Variants in DAB1 observed in about 807,000 individuals in gnomAD.
DAB1 encodes disabled homolog 1.
DAB1 carries 15 observed loss-of-function variants against 64.6 expected under a neutral mutation model. That is an observed-to-expected ratio of 0.23 (90% CI 0.16 to 0.36). The LOEUF is 0.36. Among genes scored for constraint, DAB1 ranks in the 10% least tolerant of loss-of-function variants. DAB1 has a pLI of 1.00. For synonymous variants in DAB1, 235 were observed against 251.9 expected (o/e 0.93, Z 0.64); for missense variants, 596 against 706.7 (o/e 0.84, Z 1.78).
At chr1:57,135,158 A>G (rs958878884) in intron 4 of DAB1, among the ~76,000 whole-genome samples, 13 of 152,216 alleles carry the variant, frequency 8.5e-5, no homozygotes, top group African/African-American at 3.1e-4. Flanking sequence ...CAGTGGCATT[A>G]CATACATTCA....
At chr1:58,210,457 C>A (rs891095026) in intron 4 of DAB1, among the ~76,000 whole-genome samples, 54 of 152,302 alleles carry the variant, frequency 3.5e-4, no homozygotes, top group Middle Eastern at 3.4e-3. Context: ...ATTCTCCCCA[C>A]CTACCCCCAA....
chr1:57,255,776 A>G (rs758432203), intron 2 of DAB1, among the ~76,000 whole-genome samples: 5 of 152,220 alleles, frequency 3.3e-5, no homozygotes, highest in Non-Finnish European at 7.3e-5. Context: ...CTCTTACAGT[A>G]TTTCTGATAA....
intron 4 of DAB1, among the ~76,000 whole-genome samples, chr1:57,093,670 A>T (rs1653891473): frequency 1.3e-5 from 2 of 152,186 alleles, no homozygotes; most frequent in Non-Finnish European, 2.9e-5. Context: ...TAACCATATG[A>T]CTGTGGGCAC....
At chr1:57,559,782 G>C (rs562314157) in intron 7 of DAB1, among the ~76,000 whole-genome samples, 1 of 152,268 alleles carries the variant, frequency 6.6e-6, no homozygotes, top group Non-Finnish European at 1.5e-5. Flanking sequence ...CATTATGATG[G>C]GAAAAGCCAA....
At chr1:58,074,762 G>A (rs1329689523) in intron 5 of DAB1, among the ~76,000 whole-genome samples, 9 of 151,710 alleles carry the variant, frequency 5.9e-5, no homozygotes, top group East Asian at 5.8e-4. Context: ...TTCCCCAGGC[G>A]AAAATAAGAA....
rs397863684 is a variant in DAB1 at position 57,000,040 on chromosome 1, C to CTTTTT, written c.*16-1917_*16-1913dup. On this transcript the variant is annotated intron_variant, in intron 14 of 14. Coordinates refer to ENST00000371236, the MANE Select transcript of DAB1 (RefSeq NM_001365792.1). ...GTTACCACTTGCCAGTTCCTTCTGC[C>CTTTTT]TTTTTTTTTTTTTTTTTTTTTGAGA... Among the ~76,000 whole-genome samples the CTTTTT allele has an allele frequency of 3.6e-5, 4 of 112,444 alleles. 1 individual carries two copies. Among genetic ancestry groups the CTTTTT allele is most frequent in the African/African-American group, 3.3e-5 (1 of 30,146 alleles). 73.8% of individuals were successfully genotyped at this position (112,444 alleles called of 152,430 possible).
chr1:57,551,777 A>T (rs1276953243), intron 7 of DAB1, among the ~76,000 whole-genome samples: 1 of 152,168 alleles, frequency 6.6e-6, no homozygotes, highest in Non-Finnish European at 1.5e-5. Flanking sequence ...GGGAAGAAAC[A>T]CCATTTTCTT....
Position 58,065,576 on chromosome 1 carries a change from C to T in DAB1, n.387+84935G>A, listed in dbSNP as rs192396784. Among the ~76,000 whole-genome samples, 52 of 152,192 alleles carry T rather than the reference C, an allele frequency of 3.4e-4. 1 individual carries two copies. The highest frequency in any genetic ancestry group is 7.1e-4 in the Non-Finnish European group (48 of 68,002). On this transcript the variant is annotated intron_variant and non_coding_transcript_variant, in intron 5 of 20. Transcript: ENST00000485760. ...TGAAAAGAAAATGTACTTCATGAGT[C>T]GATACAAAGGGTGAGAATGGAACAA...
chr1:57,848,705 A>G (rs1224010302), intron 1 of DAB1, among the ~76,000 whole-genome samples: 1 of 152,182 alleles, frequency 6.6e-6, no homozygotes, highest in East Asian at 1.9e-4. Context: ...AAAATAACCT[A>G]AGGTTGAAGA....
intron 2 of DAB1, among the ~76,000 whole-genome samples, chr1:57,169,705 A>ACCAT (rs1195346691): frequency 6.6e-6 from 1 of 152,028 alleles, no homozygotes; most frequent in East Asian, 1.9e-4. Context: ...CTTATCCTCC[A>ACCAT]CCATCCCCAG....
intron 5 of DAB1, among the ~76,000 whole-genome samples, chr1:58,066,201 T>C (rs143469952): frequency 1.2e-3 from 178 of 152,208 alleles, no homozygotes; most frequent in Non-Finnish European, 2.2e-3. Flanking sequence ...AAAAGGCAGA[T>C]CCTCAAAACA....
chr1:57,172,799 C>T (rs1184463585), intron 2 of DAB1, among the ~76,000 whole-genome samples: 1 of 152,142 alleles, frequency 6.6e-6, no homozygotes. Context: ...ACCCAAACAT[C>T]TCCCATTAGG....
intron 2 of DAB1, among the ~76,000 whole-genome samples, chr1:57,233,233 A>T (rs2764661): frequency 1.4e-5 from 2 of 142,724 alleles, no homozygotes; most frequent in Middle Eastern, 3.7e-3. Flanking sequence ...TCAGCAATGC[A>T]GCTTCAAGCT....
At chr1:57,458,609 C>A (rs1169915230) in intron 7 of DAB1, among the ~76,000 whole-genome samples, 1 of 151,972 alleles carries the variant, frequency 6.6e-6, no homozygotes, top group Non-Finnish European at 1.5e-5. Flanking sequence ...CTATCATAAG[C>A]AAATAATCCA....
At chr1:57,516,637 C>T (rs1296181372) in intron 7 of DAB1, among the ~76,000 whole-genome samples, 2 of 152,196 alleles carry the variant, frequency 1.3e-5, no homozygotes, top group Non-Finnish European at 2.9e-5. Context: ...TGAAGTTCAT[C>T]ATAATTTTCC....
intron 1 of DAB1, among the ~76,000 whole-genome samples, chr1:58,538,423 CTT>C (rs1204756629): frequency 6.6e-6 from 1 of 152,114 alleles, no homozygotes; most frequent in African/African-American, 2.4e-5. Flanking sequence ...TGTAAGTACT[CTT>C]CTTATACATA....
At chr1:58,479,564 CA>C (rs146739708) in intron 3 of DAB1, among the ~76,000 whole-genome samples, 2,513 of 152,220 alleles carry the variant, frequency 0.017, 50 homozygotes, top group East Asian at 0.12. Context: ...CTTTTCATGT[CA>C]ATTTTGATAG....
intron 8 of DAB1, among the ~76,000 whole-genome samples, chr1:57,067,309 G>C (rs897518170): frequency 6.6e-6 from 1 of 152,098 alleles, no homozygotes; most frequent in Non-Finnish European, 1.5e-5. Context: ...CTCAGAATCA[G>C]GGGATTCTGA....
intron 6 of DAB1, among the ~76,000 whole-genome samples, chr1:57,681,613 T>C (rs560923903): frequency 6.6e-6 from 1 of 152,290 alleles, no homozygotes; most frequent in Admixed American, 6.5e-5. Flanking sequence ...CATTTGGTAC[T>C]ACATATGGTG....
Sources: allele counts gnomAD v4.1 joint callset (sites outside exome capture counted in the v4.1 genomes callset), GRCh38; gene constraint gnomAD v4.1.1; transcripts MANE v1.5; gene names NCBI Gene and HGNC (gene_info 2026-07-23, HGNC 2026-07-21).